Variants in NAALADL2 observed in about 807,000 individuals in gnomAD.
The protein encoded by NAALADL2 is inactive N-acetylated-alpha-linked acidic dipeptidase-like protein 2.
A neutral mutation model predicts 87.2 loss-of-function variants in NAALADL2; 76 were observed. The observed-to-expected ratio is 0.87, with a 90% CI of 0.72 to 1.05. NAALADL2 has a LOEUF of 1.05. NAALADL2 is among the 50% of genes least tolerant of loss of function. NAALADL2 has a pLI of 0.00. For missense variants in NAALADL2, 1,089 were observed against 945.8 expected, an observed-to-expected ratio of 1.15 and a Z score of -1.99; for synonymous variants, 354 against 331.0, an observed-to-expected ratio of 1.07 and a Z score of -0.75.
intron 2 of NAALADL2, among the ~76,000 whole-genome samples, chr3:175,102,939 C>T (rs1722468876): frequency 6.6e-6 from 1 of 151,856 alleles, no homozygotes; most frequent in African/African-American, 2.4e-5. Context: ...GAAACCCGGT[C>T]TCTATTAAAA....
intron 2 of NAALADL2, among the ~76,000 whole-genome samples, chr3:175,198,861 A>C (rs2109117651): frequency 6.6e-6 from 1 of 151,734 alleles, no homozygotes; most frequent in South Asian, 2.1e-4. Flanking sequence ...AAATACAGTG[A>C]GTTTTGCTAA....
chr3:175,571,339 A>G (rs1342018377), intron 9 of NAALADL2, among the ~76,000 whole-genome samples: 2 of 152,170 alleles, frequency 1.3e-5, no homozygotes, highest in Non-Finnish European at 2.9e-5. Flanking sequence ...GAACTGGAAT[A>G]AAAATGCTTG....
chr3:174,491,791 C>T (rs182449612), intron 1 of NAALADL2, among the ~76,000 whole-genome samples: 39 of 152,198 alleles, frequency 2.6e-4, no homozygotes, highest in African/African-American at 8.4e-4. Context: ...TGTCTATCAA[C>T]GTTTTCCCAA....
chr3:174,693,355 A>C (rs1728753598), intron 2 of NAALADL2, among the ~76,000 whole-genome samples: 1 of 152,138 alleles, frequency 6.6e-6, no homozygotes, highest in Non-Finnish European at 1.5e-5. Flanking sequence ...CATCTTTCCT[A>C]AAACACAATT....
At chr3:175,383,920 G>GT (rs1280994972) in intron 5 of NAALADL2, among the ~76,000 whole-genome samples, 10 of 152,020 alleles carry the variant, frequency 6.6e-5, no homozygotes, top group Non-Finnish European at 2.9e-5. Context: ...TTTTACCACT[G>GT]TGACTAAGAC....
chr3:174,524,078 A>T (rs1358304256), intron 1 of NAALADL2, among the ~76,000 whole-genome samples: 1 of 152,068 alleles, frequency 6.6e-6, no homozygotes. Flanking sequence ...CAACTCCTTG[A>T]AATATTATCT....
At chr3:175,079,970 C>CTTTTTTTT (rs754948428) in intron 1 of NAALADL2, among the ~76,000 whole-genome samples, 1 of 144,256 alleles carries the variant, frequency 6.9e-6, no homozygotes, top group African/African-American at 2.6e-5. Flanking sequence ...GAAATATAGA[C>CTTTTTTTT]TTTTTTTTTT....
intron 3 of NAALADL2, among the ~76,000 whole-genome samples, chr3:174,738,485 T>G (rs1419355869): frequency 6.6e-6 from 1 of 152,152 alleles, no homozygotes; most frequent in African/African-American, 2.4e-5. Context: ...GTCAGGCAAG[T>G]AATGCAGATT....
intron 11 of NAALADL2, among the ~76,000 whole-genome samples, chr3:175,723,619 C>T (rs559853520): frequency 2.6e-5 from 4 of 152,186 alleles, no homozygotes; most frequent in South Asian, 2.1e-4. Flanking sequence ...TTAGTAATCA[C>T]GGTGTTTCTC....
intron 4 of NAALADL2, among the ~76,000 whole-genome samples, chr3:175,308,365 A>T (rs1757959842): frequency 6.6e-6 from 1 of 152,160 alleles, no homozygotes; most frequent in African/African-American, 2.4e-5. Flanking sequence ...CAGACGTTAA[A>T]CTGCGTATGT....
intron 13 of NAALADL2, among the ~76,000 whole-genome samples, chr3:175,791,690 G>C (rs901378385): frequency 2.0e-5 from 3 of 151,818 alleles, no homozygotes; most frequent in African/African-American, 7.3e-5. Flanking sequence ...AGTTTCCCTT[G>C]GTTACTGCTT....
chr3:174,711,350 A>C (rs1560164058), intron 2 of NAALADL2, among the ~76,000 whole-genome samples: 1 of 151,798 alleles, frequency 6.6e-6, no homozygotes, highest in Non-Finnish European at 1.5e-5. Flanking sequence ...CCCTCCACCC[A>C]CCTCCATGCA....
intron 4 of NAALADL2, among the ~76,000 whole-genome samples, chr3:175,285,805 G>A (rs911808117): frequency 1.5e-4 from 23 of 151,676 alleles, no homozygotes; most frequent in African/African-American, 5.6e-4. Context: ...TATCACATTA[G>A]GAAAAATACC....
chr3:175,211,019 A>G (rs1168578083), intron 2 of NAALADL2, among the ~76,000 whole-genome samples: 1 of 151,820 alleles, frequency 6.6e-6, no homozygotes, highest in African/African-American at 2.4e-5. Context: ...TAAATCTAAC[A>G]TTTGAAACAA....
At chr3:174,844,865 G>GTTTTTT (rs1724426519) in intron 3 of NAALADL2, among the ~76,000 whole-genome samples, 6 of 74,948 alleles carry the variant, frequency 8.0e-5, no homozygotes, top group African/African-American at 1.2e-4. Flanking sequence ...TTTTTTTTGG[G>GTTTTTT]GGAGTCTTTA....
intron 2 of NAALADL2, among the ~76,000 whole-genome samples, chr3:175,099,898 T>G (rs572652123): frequency 6.6e-6 from 1 of 152,186 alleles, no homozygotes; most frequent in Non-Finnish European, 1.5e-5. Flanking sequence ...ATGAAATGAA[T>G]GCATGAATAA....
intron 12 of NAALADL2, among the ~76,000 whole-genome samples, chr3:175,737,948 G>A (rs1376435131): frequency 6.6e-6 from 1 of 151,768 alleles, no homozygotes; most frequent in East Asian, 1.9e-4. Flanking sequence ...TCTCTCAGCA[G>A]AATTCTGACC....
At chr3:174,459,759 CCA>C (rs1337636679) in intron 1 of NAALADL2, 1 of 152,012 alleles carries the variant, frequency 6.6e-6, no homozygotes, top group Non-Finnish European at 1.5e-5. Flanking sequence ...ATTAGAACTC[CCA>C]ATGACAGACA....
intron 1 of NAALADL2, among the ~76,000 whole-genome samples, chr3:174,977,448 G>A (rs1010818193): frequency 6.6e-6 from 1 of 152,184 alleles, no homozygotes; most frequent in African/African-American, 2.4e-5. Context: ...TTTTTAAAGT[G>A]ACTTCACCTT....
Sources: gnomAD v4.1 joint callset for allele counts (sites outside exome capture counted in the v4.1 genomes callset) on GRCh38, gnomAD v4.1.1 for gene constraint, MANE v1.5 for transcripts, NCBI Gene and HGNC (gene_info 2026-07-23, HGNC 2026-07-21) for gene names.